Variants in MARCHF1 observed in about 807,000 individuals in gnomAD.
The protein encoded by MARCHF1 is membrane associated ring-CH-type finger 1.
MARCHF1 carries 40 observed loss-of-function variants against 54.2 expected under a neutral mutation model. That is an observed-to-expected ratio of 0.74 (90% CI 0.57 to 0.96). The LOEUF is 0.96. Among genes scored for constraint, MARCHF1 ranks in the 40% least tolerant of loss-of-function variants. The pLI is 0.00. For synonymous variants in MARCHF1, 236 were observed against 236.3 expected (o/e 1.00, Z 0.01); for missense variants, 586 against 656.5 (o/e 0.89, Z 1.17).
intron 3 of MARCHF1, among the ~76,000 whole-genome samples, chr4:163,932,094 T>G (rs954335728): frequency 6.9e-6 from 1 of 144,002 alleles, no homozygotes; most frequent in East Asian, 2.1e-4. Flanking sequence ...CGTAATTTAA[T>G]TAAAAAAAAC....
At chr4:163,825,317 C>T (rs1472279495) in intron 4 of MARCHF1, among the ~76,000 whole-genome samples, 3 of 151,970 alleles carry the variant, frequency 2.0e-5, no homozygotes, top group East Asian at 3.9e-4. Flanking sequence ...TGTATATGTA[C>T]ACCATTTTCT....
At chr4:163,564,069 T>C (rs1237951061) in intron 8 of MARCHF1, among the ~76,000 whole-genome samples, 2 of 152,322 alleles carry the variant, frequency 1.3e-5, no homozygotes, top group South Asian at 2.1e-4. Flanking sequence ...GAGTACACAT[T>C]GTCCTTATGT....
At chr4:163,533,948 A>G (rs551609629) in intron 9 of MARCHF1, among the ~76,000 whole-genome samples, 8 of 151,940 alleles carry the variant, frequency 5.3e-5, no homozygotes, top group African/African-American at 1.9e-4. Context: ...CTCATGATCT[A>G]TACCTCTATT....
intron 1 of MARCHF1, among the ~76,000 whole-genome samples, chr4:164,164,401 G>T (rs193145034): frequency 6.6e-6 from 1 of 151,802 alleles, no homozygotes; most frequent in Admixed American, 6.6e-5. Context: ...TGACAAAATG[G>T]CATAAGACAC....
intron 5 of MARCHF1, among the ~76,000 whole-genome samples, chr4:163,633,180 T>G (rs181465731): frequency 1.3e-4 from 20 of 152,130 alleles, no homozygotes; most frequent in African/African-American, 2.2e-4. Flanking sequence ...ACTCTAAAAA[T>G]CAGAGCGCCT....
intron 1 of MARCHF1, among the ~76,000 whole-genome samples, chr4:164,318,411 C>T (rs1275716768): frequency 1.3e-5 from 2 of 152,022 alleles, no homozygotes; most frequent in African/African-American, 2.4e-5. Flanking sequence ...TTCTGTAAAA[C>T]GTTCATACTG....
At chr4:163,673,764 A>G (rs1370135291) in intron 5 of MARCHF1, among the ~76,000 whole-genome samples, 3 of 152,204 alleles carry the variant, frequency 2.0e-5, no homozygotes, top group African/African-American at 7.2e-5. Flanking sequence ...TCTGAATATA[A>G]TTCATGAATT....
chr4:163,921,412 T>G (rs1427000944), intron 3 of MARCHF1, among the ~76,000 whole-genome samples: 1 of 152,146 alleles, frequency 6.6e-6, no homozygotes, highest in Non-Finnish European at 1.5e-5. Flanking sequence ...AAGCTTATAT[T>G]CATATTACAT....
intron 1 of MARCHF1, among the ~76,000 whole-genome samples, chr4:164,126,621 T>C (rs564934607): frequency 8.5e-5 from 13 of 152,132 alleles, no homozygotes. Flanking sequence ...TTGCTCTGAA[T>C]AGATTAAGGG....
At chr4:164,324,066 A>G (rs1216260377) in intron 1 of MARCHF1, among the ~76,000 whole-genome samples, 2 of 151,892 alleles carry the variant, frequency 1.3e-5, no homozygotes, top group Non-Finnish European at 3.0e-5. Context: ...TGAAAACTTT[A>G]AAGTAAAATA....
At chr4:164,305,958 TAA>T (rs1579706069) in intron 1 of MARCHF1, among the ~76,000 whole-genome samples, 1 of 152,150 alleles carries the variant, frequency 6.6e-6, no homozygotes, top group African/African-American at 2.4e-5. Flanking sequence ...TGTTAAATAA[TAA>T]AGTCTCTTCA....
At position 163,983,478 on chromosome 4, in the gene MARCHF1, C is replaced by T. The variant is rs75270841; in HGVS notation, c.-39+5023G>A. ...TTTATAATAGCACCCAATGTATATT[C>T]CATCTGATCTTATGAATCATGGGCA... On this transcript the variant is annotated intron_variant, in intron 3 of 9. Coordinates refer to ENST00000514618, the MANE Select transcript of MARCHF1 (RefSeq NM_001394959.1). Among the ~76,000 whole-genome samples, 32 of 152,164 alleles carry T rather than the reference C, an allele frequency of 2.1e-4. No individual in the cohort carries two copies. In the South Asian group the frequency reaches 3.7e-3, roughly 18 times the overall value.
intron 1 of MARCHF1, among the ~76,000 whole-genome samples, chr4:164,170,317 CT>C (rs1467937275): frequency 2.6e-5 from 4 of 152,024 alleles, no homozygotes; most frequent in African/African-American, 9.7e-5. Flanking sequence ...CAGGTATTAA[CT>C]GCTTTTAATG....
intron 1 of MARCHF1, among the ~76,000 whole-genome samples, chr4:164,313,560 G>A (rs552711568): frequency 1.3e-5 from 2 of 152,232 alleles, no homozygotes; most frequent in African/African-American, 4.8e-5. Context: ...AGGCAGAGTA[G>A]TGAAGTGGGT....
intron 4 of MARCHF1, among the ~76,000 whole-genome samples, chr4:163,831,847 CA>C (rs1240950790): frequency 6.6e-6 from 1 of 152,080 alleles, no homozygotes; most frequent in Non-Finnish European, 1.5e-5. Flanking sequence ...GAGCTTGAAC[CA>C]CTTAAGGGAT....
chr4:163,999,781 T>C (rs1453467808), intron 2 of MARCHF1, among the ~76,000 whole-genome samples: 1 of 151,624 alleles, frequency 6.6e-6, no homozygotes, highest in East Asian at 1.9e-4. Context: ...CATATATATG[T>C]ATAATTTAAT....
intron 3 of MARCHF1, among the ~76,000 whole-genome samples, chr4:163,889,919 C>CTTTTTTTTT (rs146357456): frequency 8.5e-6 from 1 of 117,236 alleles, no homozygotes. Context: ...TATTTATTTT[C>CTTTTTTTTT]TTTTTTCTTT....
chr4:164,133,002 G>A (rs535963661), intron 1 of MARCHF1, among the ~76,000 whole-genome samples: 2 of 152,154 alleles, frequency 1.3e-5, no homozygotes, highest in East Asian at 3.9e-4. Flanking sequence ...TTAGTCTTTA[G>A]CTTCCTTGCT....
At chr4:163,907,186 G>A (rs558546754) in intron 3 of MARCHF1, among the ~76,000 whole-genome samples, 4 of 151,922 alleles carry the variant, frequency 2.6e-5, no homozygotes, top group African/African-American at 9.6e-5. Flanking sequence ...TATTTACATT[G>A]CCTAGTTTAT....
Sources: gnomAD v4.1 joint callset for allele counts (sites outside exome capture counted in the v4.1 genomes callset) on GRCh38, gnomAD v4.1.1 for gene constraint, MANE v1.5 for transcripts, NCBI Gene and HGNC (gene_info 2026-07-23, HGNC 2026-07-21) for gene names.